The following PGM5 variants were observed in gnomAD, a reference collection of about 807,000 sequenced individuals.
PGM5 encodes phosphoglucomutase-like protein 5.
PGM5 carries 23 observed loss-of-function variants against 59.2 expected under a neutral mutation model. That is an observed-to-expected ratio of 0.39 (90% CI 0.28 to 0.55). PGM5 has a LOEUF of 0.55. PGM5 is among the 20% of genes least tolerant of loss of function. The pLI is 0.66. For synonymous variants in PGM5, 214 were observed against 286.0 expected (o/e 0.75, Z 2.54); for missense variants, 574 against 748.3 (o/e 0.77, Z 2.72).
At chr9:68,432,248 G>A (rs1823362762) in intron 6 of PGM5, among the ~76,000 whole-genome samples, 1 of 150,686 alleles carries the variant, frequency 6.6e-6, no homozygotes, top group Admixed American at 6.6e-5. Flanking sequence ...TGCCCAGGCT[G>A]GAGTGTAGTG....
chr9:68,452,595 A>T (rs536888605), intron 6 of PGM5, among the ~76,000 whole-genome samples: 3 of 152,218 alleles, frequency 2.0e-5, no homozygotes, highest in Middle Eastern at 3.4e-3. Context: ...TGCTGTTCCC[A>T]TCTCCTTCCT....
At chr9:68,502,554 G>A (rs12341862) in intron 10 of PGM5, among the ~76,000 whole-genome samples, 2,597 of 152,304 alleles carry the variant, frequency 0.017, 66 homozygotes, top group African/African-American at 0.056. Context: ...TAATCAGCCC[G>A]TGGCTAATCA....
chr9:68,364,306 G>A (rs1168471240), intron 1 of PGM5, among the ~76,000 whole-genome samples: 1 of 152,118 alleles, frequency 6.6e-6, no homozygotes, highest in African/African-American at 2.4e-5. Flanking sequence ...TAAAGAATGA[G>A]AATATACTTG....
intron 7 of PGM5, 25 bp from the exon 8 acceptor site, chr9:68,479,393 A>G (rs182928929): frequency 2.3e-4 from 370 of 1,590,540 alleles, no homozygotes; most frequent in Admixed American, 4.0e-4. Context: ...ATGAATGCTC[A>G]GCAGAATTTT....
At chr9:68,414,855 A>G (rs1554681861) in intron 6 of PGM5, among the ~76,000 whole-genome samples, 1 of 141,366 alleles carries the variant, frequency 7.1e-6, no homozygotes, top group Non-Finnish European at 1.5e-5. Flanking sequence ...TGCCTAGTGT[A>G]CAGAAAGAAA....
intron 7 of PGM5, among the ~76,000 whole-genome samples, chr9:68,470,746 G>A (rs1824007200): frequency 6.6e-6 from 1 of 152,160 alleles, no homozygotes; most frequent in Non-Finnish European, 1.5e-5. Context: ...TGGCCAGTGT[G>A]TATAAATTTG....
rs781988852 is a variant in PGM5, at chr9:68,384,411, T to A, written c.438T>A (p.Asp146Glu). The A allele has an allele frequency of 6.2e-7, 1 of 1,606,176 alleles. No homozygotes were observed. Among genetic ancestry groups the A allele is most frequent in the Non-Finnish European group, 8.5e-7 (1 of 1,174,490 alleles). Residue 146 changes from aspartate to glutamate, a missense_variant, in exon 3 of 11, where the codon GAT becomes GAA. Asp to Glu is a conservative substitution (Grantham distance 45). Transcript: ENST00000396396. ...FNVANGGPAP[D>E]VVSDKIYQIS... is the part of the protein sequence containing the mutation. ...TTCACATTTTAGGTCCTGCACCCGA[T>A]GTTGTCTCAGACAAAATCTACCAAA...
intron 7 of PGM5, among the ~76,000 whole-genome samples, chr9:68,478,281 A>G (rs1475739814): frequency 6.6e-6 from 1 of 152,066 alleles, no homozygotes; most frequent in Admixed American, 6.5e-5. Context: ...ACTGCCTCCA[A>G]CTCTTTCTAT....
intron 9 of PGM5, among the ~76,000 whole-genome samples, chr9:68,490,216 C>G (rs1471142824): frequency 6.6e-6 from 1 of 152,202 alleles, no homozygotes; most frequent in Admixed American, 6.5e-5. Flanking sequence ...AAGGTGTTGT[C>G]CCCAGCACTG....
intron 10 of PGM5, among the ~76,000 whole-genome samples, chr9:68,511,479 GT>G (rs2132113246): frequency 6.7e-6 from 1 of 148,482 alleles, no homozygotes; most frequent in East Asian, 2.0e-4. Flanking sequence ...TATATTTTTG[GT>G]TTATACCTGA....
intron 8 of PGM5, among the ~76,000 whole-genome samples, chr9:68,483,426 G>A (rs782489840): frequency 1.1e-4 from 17 of 152,106 alleles, no homozygotes; most frequent in Non-Finnish European, 7.4e-5. Flanking sequence ...AAGGTAGAGG[G>A]AACACACAGC....
chr9:68,382,532 C>A (rs1401705867), intron 2 of PGM5, among the ~76,000 whole-genome samples: 4 of 151,594 alleles, frequency 2.6e-5, no homozygotes, highest in African/African-American at 4.8e-5. Flanking sequence ...AACTAAAAAG[C>A]TTTTTAGCTT....
At chr9:68,457,340 C>T (rs553910650) in intron 6 of PGM5, among the ~76,000 whole-genome samples, 14 of 152,264 alleles carry the variant, frequency 9.2e-5, no homozygotes, top group African/African-American at 3.4e-4. Context: ...GAAACAGAAT[C>T]CAATATGAAA....
intron 7 of PGM5, among the ~76,000 whole-genome samples, chr9:68,468,837 T>C (rs1823978051): frequency 6.6e-6 from 1 of 152,238 alleles, no homozygotes; most frequent in Admixed American, 6.5e-5. Context: ...AATTGCCTTT[T>C]ACCATTGCTA....
At chr9:68,500,335 T>A (rs1554688547) in intron 10 of PGM5, among the ~76,000 whole-genome samples, 1 of 152,138 alleles carries the variant, frequency 6.6e-6, no homozygotes, top group Admixed American at 6.5e-5. Context: ...CATGGTCTGT[T>A]TCTTTGGAGA....
chr9:68,508,367 A>C (rs1428073712), intron 10 of PGM5, among the ~76,000 whole-genome samples: 6 of 152,172 alleles, frequency 3.9e-5, no homozygotes, highest in South Asian at 4.1e-4. Context: ...AAAAAATTAT[A>C]TTTCTCCTTT....
At chr9:68,363,822 A>T (rs1166540801) in intron 1 of PGM5, among the ~76,000 whole-genome samples, 1 of 152,188 alleles carries the variant, frequency 6.6e-6, no homozygotes, top group East Asian at 1.9e-4. Flanking sequence ...CCTCATCTAA[A>T]AATCAGGTAT....
At chr9:68,475,043 C>T (rs1179777505) in intron 7 of PGM5, among the ~76,000 whole-genome samples, 3 of 151,012 alleles carry the variant, frequency 2.0e-5, no homozygotes, top group African/African-American at 7.3e-5. Context: ...GACGGAGTTT[C>T]ACTCTTCTTG....
chr9:68,529,463 G>A lies in PGM5; in HGVS notation c.1615-104G>A, dbSNP rs1017003343. 5 of 798,586 alleles carry A rather than the reference G, an allele frequency of 6.3e-6. No individual in the cohort carries two copies. In the African/African-American group the frequency reaches 8.7e-5, roughly 14 times the overall value. The allele number at this position is 798,586 out of a possible 1,614,324, so 49.5% of individuals were successfully genotyped here. On this transcript the variant is annotated intron_variant, in intron 10 of 10. Coordinates refer to ENST00000396396, the MANE Select transcript of PGM5 (RefSeq NM_021965.4). ...TGCTCATGAAGACTGCCTGTAAACA[G>A]TGAATTGGAATCTGAGTCCAGATGC...
Sources: gnomAD v4.1 joint callset for allele counts (sites outside exome capture counted in the v4.1 genomes callset) on GRCh38, gnomAD v4.1.1 for gene constraint, MANE v1.5 for transcripts, NCBI Gene and HGNC (gene_info 2026-07-23, HGNC 2026-07-21) for gene names.